The following FGL1 variants were observed in gnomAD, a reference collection of about 807,000 sequenced individuals.
The protein encoded by FGL1 is fibrinogen-like protein 1.
Under a neutral mutation model 43.7 loss-of-function variants are expected in FGL1, and 59 were observed. That is an observed-to-expected ratio of 1.35 (90% confidence interval 1.10 to 1.68). The LOEUF is 1.68. FGL1 is among the 40% of genes most tolerant of loss of function. FGL1 has a pLI of 0.00. For missense variants in FGL1, 596 were observed against 373.0 expected (o/e 1.60, Z -4.92); for synonymous variants, 192 against 126.5 (o/e 1.52, Z -3.48).
At chr8:17,875,220 C>T (rs181937491) in intron 3 of FGL1, among the ~76,000 whole-genome samples, 1 of 152,254 alleles carries the variant, frequency 6.6e-6, no homozygotes, top group East Asian at 1.9e-4. Flanking sequence ...ATGTGCACAA[C>T]ATGCAGGTTT....
intron 2 of FGL1, among the ~76,000 whole-genome samples, chr8:17,885,181 C>T (rs1282365240): frequency 1.3e-5 from 2 of 151,982 alleles, no homozygotes; most frequent in Admixed American, 6.6e-5. Flanking sequence ...GCTAGGACTA[C>T]AGATGCGTGC....
chr8:17,868,035 G>C (rs545683769), intron 7 of FGL1, among the ~76,000 whole-genome samples: 1 of 152,300 alleles, frequency 6.6e-6, no homozygotes, highest in South Asian at 2.1e-4. Context: ...AATGTATTCA[G>C]TCAGAGGGTA....
intron 5 of FGL1, among the ~76,000 whole-genome samples, chr8:17,869,739 G>T (rs2053328585): frequency 1.3e-5 from 2 of 152,108 alleles, no homozygotes; most frequent in African/African-American, 2.4e-5. Flanking sequence ...GATAATTACT[G>T]GAAAATATAC....
intron 1 of FGL1, among the ~76,000 whole-genome samples, chr8:17,887,567 G>A (rs2053647256): frequency 6.6e-6 from 1 of 152,132 alleles, no homozygotes; most frequent in African/African-American, 2.4e-5. Context: ...TAACCAAGAT[G>A]GGCCGGGCGT....
At chr8:17,878,332 A>C (rs1214885891) in intron 3 of FGL1, among the ~76,000 whole-genome samples, 1 of 152,210 alleles carries the variant, frequency 6.6e-6, no homozygotes, top group Non-Finnish European at 1.5e-5. Flanking sequence ...TCAGATGGGG[A>C]ATATGGGACA....
At chr8:17,893,984 T>A (rs1454456117) in intron 1 of FGL1, among the ~76,000 whole-genome samples, 2 of 147,120 alleles carry the variant, frequency 1.4e-5, no homozygotes, top group Admixed American at 1.3e-4. Context: ...AAATGGCTGT[T>A]CTTTGGTGGA....
chr8:17,890,752 G>C (rs2053692241), intron 1 of FGL1, among the ~76,000 whole-genome samples: 1 of 152,106 alleles, frequency 6.6e-6, no homozygotes. Context: ...GTGGTGGAAG[G>C]GGAAGCAAAC....
chr8:17,874,544 T>C (rs2053416185), intron 3 of FGL1, 23 bp from the exon 4 acceptor site: 1 of 1,589,866 alleles, frequency 6.3e-7, no homozygotes, highest in Non-Finnish European at 8.6e-7. Context: ...CAAGGTAATG[T>C]AACATTCATT....
intron 5 of FGL1, among the ~76,000 whole-genome samples, chr8:17,869,976 G>A (rs1314324215): frequency 6.6e-6 from 1 of 152,124 alleles, no homozygotes; most frequent in African/African-American, 2.4e-5. Context: ...CGGGCATGGT[G>A]GCGGGCACCT....
At chr8:17,885,055 T>C (rs1368512973) in intron 2 of FGL1, among the ~76,000 whole-genome samples, 1 of 152,054 alleles carries the variant, frequency 6.6e-6, no homozygotes, top group East Asian at 1.9e-4. Flanking sequence ...CTTTTTTTTT[T>C]TTTGAGATGG....
intron 5 of FGL1, among the ~76,000 whole-genome samples, chr8:17,870,573 C>T (rs537954211): frequency 6.6e-6 from 1 of 152,210 alleles, no homozygotes; most frequent in African/African-American, 2.4e-5. Flanking sequence ...CTCTGGTTGG[C>T]CTCTTCTCTC....
chr8:17,880,567 G>A (rs1395722103), intron 3 of FGL1, among the ~76,000 whole-genome samples: 1 of 152,074 alleles, frequency 6.6e-6, no homozygotes, highest in African/African-American at 2.4e-5. Flanking sequence ...TGAATATGAG[G>A]ATCTACTATG....
intron 3 of FGL1, among the ~76,000 whole-genome samples, chr8:17,878,099 T>C (rs545191217): frequency 6.6e-6 from 1 of 151,984 alleles, no homozygotes; most frequent in Non-Finnish European, 1.5e-5. Flanking sequence ...TGGGCCTGCA[T>C]GCATGCACCA....
chr8:17,874,660 T>A (rs764939034), intron 3 of FGL1, 139 bp from the exon 4 acceptor site: 32 of 497,256 alleles, frequency 6.4e-5, no homozygotes, highest in Non-Finnish European at 1.0e-4. Flanking sequence ...TAAAATTGCA[T>A]CTTGTACATC....
At chr8:17,878,285 C>G (rs1014938898) in intron 3 of FGL1, among the ~76,000 whole-genome samples, 1 of 152,180 alleles carries the variant, frequency 6.6e-6, no homozygotes, top group Admixed American at 6.6e-5. Context: ...ATATTTTAAT[C>G]CTTACAACAA....
chr8:17,869,847 C>G (rs1167685648), intron 5 of FGL1, among the ~76,000 whole-genome samples: 1 of 152,184 alleles, frequency 6.6e-6, no homozygotes. Context: ...CGGTGGCTCA[C>G]GCCTGTAATC....
chr8:17,881,897 G>T, intron 3 of FGL1, 102 bp downstream of exon 3: 2 of 913,942 alleles, frequency 2.2e-6, no homozygotes, highest in Non-Finnish European at 3.3e-6. Flanking sequence ...GCTTCATATT[G>T]CTTGTTACTG....
chr8:17,868,967 T>C lies in FGL1; in HGVS notation c.540A>G (p.Glu180=). The C allele has an allele frequency of 6.2e-7, 1 of 1,606,204 alleles. No individual in the cohort carries two copies. Among genetic ancestry groups the C allele is most frequent in the Non-Finnish European group, 8.5e-7 (1 of 1,177,624 alleles). The change falls in exon 6 of 8, where the codon GAA becomes GAG. Residue 180 remains glutamate (E), a synonymous_variant. Coordinates refer to ENST00000427924, the MANE Select transcript of FGL1 (RefSeq NM_004467.4). Reference sequence around the variant, plus strand: ...TATATTGTGCATAACGGCTATTTTTTTCAAAATCTGCAAGGTCGATTTTTA... The same window carrying C: ...TATATTGTGCATAACGGCTATTTTTCTCAAAATCTGCAAGGTCGATTTTTA... ...YTLKIDLADF[E]KNSRYAQYKN... is the part of the protein sequence containing the mutation.
chr8:17,895,491 G>C lies in FGL1; in HGVS notation c.-62C>G, dbSNP rs759806211. ...AGAGACCCAGCTCAGGTTCCATCCA[G>C]ACACTCTGCTTCCCAGGATCCTGTA... On this transcript the variant is annotated 5_prime_UTR_variant, in exon 1 of 8. Transcript: ENST00000427924. 7 of 1,285,798 alleles carry C rather than the reference G, an allele frequency of 5.4e-6. No individual in the cohort carries two copies. In the South Asian group the frequency reaches 8.7e-5, roughly 16 times the overall value. The allele number at this position is 1,285,798 out of a possible 1,614,324, so 79.6% of individuals were successfully genotyped here.
Sources: gnomAD v4.1 joint callset for allele counts (sites outside exome capture counted in the v4.1 genomes callset) on GRCh38, gnomAD v4.1.1 for gene constraint, MANE v1.5 for transcripts, NCBI Gene and HGNC (gene_info 2026-07-23, HGNC 2026-07-21) for gene names.